The following MPI variants were observed in gnomAD, a reference collection of about 807,000 sequenced individuals.
MPI encodes mannose phosphate isomerase.
MPI carries 33 observed loss-of-function variants against 40.1 expected under a neutral mutation model. The ratio of observed to expected loss-of-function variants is 0.82; its 90% CI spans 0.62 to 1.10. The LOEUF (loss-of-function observed/expected upper bound fraction) is 1.10, where lower values mean the gene tolerates loss of function less well. Ranked by LOEUF, MPI falls within the 50% of genes least tolerant of loss-of-function variation. The pLI, the probability that MPI is intolerant of heterozygous loss-of-function variation, is 0.00. For missense variants in MPI, 514 were observed against 524.1 expected (o/e 0.98, Z 0.19); for synonymous variants, 187 against 207.4 (o/e 0.90, Z 0.85).
intron 5 of MPI, among the ~76,000 whole-genome samples, chr15:74,894,085 T>TG: frequency 1.6e-5 from 1 of 63,144 alleles, no homozygotes; most frequent in Non-Finnish European, 3.2e-5. Context: ...TGTGTGTGTG[T>TG]GTGTGTGTGT....
chr15:74,897,829 C>A lies in MPI; in HGVS notation c.*99C>A. On this transcript the variant is annotated 3_prime_UTR_variant, in exon 8 of 8. Transcript: ENST00000352410. ...TCAAGCCCCCTTCCTTGCTCTGGACCCCTTAGGTATACCCTGGAAGAGCTG... is the reference window on the plus strand; with the variant it reads ...TCAAGCCCCCTTCCTTGCTCTGGACACCTTAGGTATACCCTGGAAGAGCTG... 1 of 1,175,766 alleles carries A rather than the reference C, an allele frequency of 8.5e-7. No individual in the cohort carries two copies. The highest frequency in any genetic ancestry group is 1.2e-6 in the Non-Finnish European group (1 of 800,026). The allele number at this position is 1,175,766 out of a possible 1,614,324, so 72.8% of individuals were successfully genotyped here.
At chr15:74,894,395 T>A (rs1205761576) in intron 5 of MPI, among the ~76,000 whole-genome samples, 1 of 151,494 alleles carries the variant, frequency 6.6e-6, no homozygotes, top group African/African-American at 2.4e-5. Flanking sequence ...CTTGCCTCAC[T>A]TTAAAGAAGC....
At chr15:74,895,200 C>T (rs540775624) in intron 5 of MPI, among the ~76,000 whole-genome samples, 5 of 146,268 alleles carry the variant, frequency 3.4e-5, no homozygotes, top group African/African-American at 1.3e-4. Flanking sequence ...TGGTCTCGAA[C>T]TCCTGACCTC....
intron 5 of MPI, chr15:74,895,914 G>C (rs186363198): frequency 3.5e-6 from 2 of 565,526 alleles, no homozygotes; most frequent in Middle Eastern, 4.8e-4. Context: ...TTAGTGGCTA[G>C]TATAGTCCTG....
intron 6 of MPI, 34 bp downstream of exon 6, chr15:74,896,359 A>G: frequency 6.2e-7 from 1 of 1,611,272 alleles, no homozygotes; most frequent in Non-Finnish European, 8.5e-7. Context: ...CCCCACTGCC[A>G]TCCCTGCTGG....
At chr15:74,890,160 C>T (rs1368652714) in intron 1 of MPI, 71 bp downstream of exon 1, 2 of 1,592,938 alleles carry the variant, frequency 1.3e-6, no homozygotes, top group Non-Finnish European at 1.7e-6. Flanking sequence ...CCGGCATTAT[C>T]GGCCAGGTTG....
chr15:74,898,998 A>C lies in MPI; in HGVS notation c.*1268A>C, dbSNP rs898148194. On this transcript the variant is annotated 3_prime_UTR_variant, in exon 8 of 8. Coordinates refer to ENST00000352410, the MANE Select transcript of MPI (RefSeq NM_002435.3). ...TAGACTGTACGGCCTGCAAAACTGA[A>C]ACCATTGACTGTCAACCACTTCTCT... is the stretch of plus-strand genomic sequence containing the variant. 4.6e-5 allele frequency: 7 copies of C among 152,244 alleles called. No individual in the cohort carries two copies. The highest frequency in any genetic ancestry group is 2.4e-5 in the African/African-American group (1 of 41,452). The allele number at this position is 152,244 out of a possible 1,614,324, so 9.4% of individuals were successfully genotyped here.
Position 74,892,746 on chromosome 15 carries a change from C to G in MPI, c.431C>G (p.Pro144Arg). The G allele has an allele frequency of 1.2e-6, 2 of 1,614,282 alleles. No homozygotes were observed. The highest frequency in any genetic ancestry group is 1.7e-6 in the Non-Finnish European group (2 of 1,180,048). Residue 144 changes from proline (P) to arginine (R), a missense_variant, in exon 4 of 8, where the codon CCC (proline) becomes CGC (arginine). Pro to Arg is a moderately radical substitution (Grantham distance 103). Coordinates refer to ENST00000352410, the MANE Select transcript of MPI (RefSeq NM_002435.3). ...CCAGAGATGGCCATTGCCCTCACCCCCTTCCAGGGCTTGTGTGGCTTCCGG... is the reference window on the plus strand; with the variant it reads ...CCAGAGATGGCCATTGCCCTCACCCGCTTCCAGGGCTTGTGTGGCTTCCGG... ...HKPEMAIALTPFQGLCGFRPV... is the reference protein window; with the variant it reads ...HKPEMAIALTRFQGLCGFRPV...
rs1417670379 is a variant in MPI, at chr15:74,899,143, C to A, written c.*1413C>A. The A allele has an allele frequency of 6.6e-6, 1 of 152,210 alleles. No homozygotes were observed. The allele number at this position is 152,210 out of a possible 1,614,324, so 9.4% of individuals were successfully genotyped here. On this transcript the variant is annotated 3_prime_UTR_variant, in exon 8 of 8. Coordinates refer to ENST00000352410, the MANE Select transcript of MPI (RefSeq NM_002435.3). ...GCAGGAAGTGTGAAGGAGGGAATCTCCTGATGCCCTGCTCCAGGGGTGGCA... is the reference window on the plus strand; with the variant it reads ...GCAGGAAGTGTGAAGGAGGGAATCTACTGATGCCCTGCTCCAGGGGTGGCA...
chr15:74,890,787 T>C (rs2064714659), intron 2 of MPI, 133 bp downstream of exon 2: 4 of 1,183,172 alleles, frequency 3.4e-6, no homozygotes, highest in Non-Finnish European at 5.0e-6. Context: ...TTCAGGCTAA[T>C]GGACTAGATA....
chr15:74,897,146 C>G lies in MPI; in HGVS notation c.980C>G (p.Thr327Arg). Residue 327 changes from threonine (T) to arginine (R), a missense_variant, in exon 7 of 8, where the codon ACA becomes AGA. By Grantham distance (71) the Thr-to-Arg change is moderately conservative (BLOSUM62 -1). Transcript: ENST00000352410. ...AGCAAGGACAGGCTCTTTCTCCCAA[C>G]ACGGAGTCAGGAAGACCCCTACCTC... Reference protein sequence around the residue: ...SSSKDRLFLPTRSQEDPYLSI... With the variant: ...SSSKDRLFLPRRSQEDPYLSI... 2 of 1,614,226 alleles carry G rather than the reference C, an allele frequency of 1.2e-6. No homozygotes were observed.
chr15:74,890,691 C>G (rs945531453), intron 2 of MPI, 37 bp downstream of exon 2: 3 of 1,610,376 alleles, frequency 1.9e-6, no homozygotes, highest in African/African-American at 1.3e-5. Flanking sequence ...ACTTTACCCG[C>G]AGGTCAGGAG....
chr15:74,893,015 G>A, intron 4 of MPI, 123 bp from the exon 5 acceptor site: 1 of 1,411,614 alleles, frequency 7.1e-7, no homozygotes, highest in South Asian at 1.2e-5. Context: ...CCACTGCAAA[G>A]TTTACTTAGC....
At chr15:74,896,969 G>A in intron 6 of MPI, 42 bp from the exon 7 acceptor site, 1 of 1,595,096 alleles carries the variant, frequency 6.3e-7, no homozygotes, top group Non-Finnish European at 8.6e-7. Flanking sequence ...GGAGAGCTAA[G>A]GCATACTTCA....
chr15:74,894,787 G>A (rs1231888166), intron 5 of MPI, among the ~76,000 whole-genome samples: 8 of 146,780 alleles, frequency 5.5e-5, no homozygotes, highest in Non-Finnish European at 9.0e-5. Flanking sequence ...ACTCCGATTC[G>A]GAAAAAAAAA....
intron 4 of MPI, 30 bp downstream of exon 4, chr15:74,892,832 G>A (rs749436524): frequency 2.0e-5 from 32 of 1,614,054 alleles, no homozygotes; most frequent in South Asian, 7.7e-5. Flanking sequence ...GAAGGCATGC[G>A]TACTGGGCCA....
intron 2 of MPI, chr15:74,890,968 T>C: frequency 1.8e-6 from 1 of 566,142 alleles, no homozygotes. Context: ...ATATTTCTCC[T>C]GCCTATTTAG....
intron 3 of MPI, among the ~76,000 whole-genome samples, chr15:74,891,782 G>A (rs560614319): frequency 1.1e-4 from 17 of 152,308 alleles, no homozygotes; most frequent in African/African-American, 3.9e-4. Context: ...ACAGCTCACC[G>A]GCCTGTGCCA....
At chr15:74,894,061 T>A (rs2064770020) in intron 5 of MPI, among the ~76,000 whole-genome samples, 1 of 47,840 alleles carries the variant, frequency 2.1e-5, no homozygotes, top group Non-Finnish European at 4.2e-5. Flanking sequence ...TGTGTGTGTG[T>A]GTGTGTGTGT....
Sources: gnomAD v4.1 joint callset for allele counts (sites outside exome capture counted in the v4.1 genomes callset) on GRCh38, gnomAD v4.1.1 for gene constraint, MANE v1.5 for transcripts, NCBI Gene and HGNC (gene_info 2026-07-23, HGNC 2026-07-21) for gene names.